The following BBS9 variants were observed in gnomAD, a reference collection of about 807,000 sequenced individuals.
BBS9 encodes protein PTHB1.
In BBS9, 89 loss-of-function variants were observed where a neutral mutation model predicts 117.7. The ratio of observed to expected loss-of-function variants is 0.76; its 90% confidence interval spans 0.64 to 0.90. The LOEUF (loss-of-function observed/expected upper bound fraction) is 0.90. Among genes scored for constraint, BBS9 ranks in the 40% least tolerant of loss-of-function variants. The pLI is 0.00. For synonymous variants in BBS9, 379 were observed against 370.9 expected (o/e 1.02, Z -0.25); for missense variants, 982 against 1,042.2 (o/e 0.94, Z 0.80).
At chr7:33,333,240 G>A (rs1286457181) in intron 9 of BBS9, among the ~76,000 whole-genome samples, 2 of 152,052 alleles carry the variant, frequency 1.3e-5, no homozygotes, top group Admixed American at 6.6e-5. Context: ...AGTCCCCAAA[G>A]TCCATGTCAT....
At chr7:33,423,526 T>C (rs1004861818) in intron 19 of BBS9, among the ~76,000 whole-genome samples, 1 of 151,462 alleles carries the variant, frequency 6.6e-6, no homozygotes, top group Non-Finnish European at 1.5e-5. Flanking sequence ...TTTCATATGA[T>C]GTGTGAAGAA....
chr7:33,613,178 C>T (rs115300110), intron 21 of BBS9, among the ~76,000 whole-genome samples: 188 of 152,136 alleles, frequency 1.2e-3, no homozygotes, highest in African/African-American at 4.4e-3. Flanking sequence ...AGTTTAGCAT[C>T]TCCAAGCTCT....
intron 9 of BBS9, among the ~76,000 whole-genome samples, chr7:33,279,904 C>CTCTGGAGATA (rs1422171234): frequency 1.3e-5 from 2 of 152,202 alleles, no homozygotes; most frequent in Non-Finnish European, 2.9e-5. Context: ...ATGTTACTTT[C>CTCTGGAGATA]TCTGGAGATA....
In BBS9 at chr7:33,573,156, A is replaced by G. The variant is rs951934330; in HGVS notation, c.2522-31709A>G. ...TTCCCTAATTTTCTAATTTTCTGGT[A>G]CAATAAGACATTTTTGGCCTATTTT... is the stretch of plus-strand genomic sequence containing the variant. On this transcript the variant is annotated intron_variant, in intron 21 of 22. Transcript: ENST00000242067. 2.6e-5 allele frequency among the ~76,000 whole-genome samples: 4 copies of G among 152,124 alleles called. No homozygotes were observed. The East Asian group carries it at 7.7e-4, about 29-fold the overall frequency.
intron 20 of BBS9, among the ~76,000 whole-genome samples, chr7:33,521,992 C>T (rs1448447245): frequency 1.1e-4 from 16 of 147,918 alleles, no homozygotes; most frequent in African/African-American, 2.0e-4. Context: ...TGAGAATATG[C>T]GGTGTTTGGT....
intron 17 of BBS9, 99 bp from the exon 18 acceptor site, chr7:33,383,567 A>T (rs1263913474): frequency 1.2e-5 from 13 of 1,087,404 alleles, no homozygotes; most frequent in Non-Finnish European, 1.6e-5. Context: ...ACAAAAATGA[A>T]ATCTTTGAAC....
At chr7:33,611,526 G>T (rs1864860243) in intron 21 of BBS9, among the ~76,000 whole-genome samples, 2 of 136,298 alleles carry the variant, frequency 1.5e-5, no homozygotes. Context: ...TAATATTAAA[G>T]TATTATATTT....
intron 2 of BBS9, among the ~76,000 whole-genome samples, chr7:33,152,337 A>G (rs1793471586): frequency 6.6e-6 from 1 of 152,146 alleles, no homozygotes; most frequent in South Asian, 2.1e-4. Flanking sequence ...CGACAGCCAC[A>G]AGCAGTTATA....
chr7:33,243,207 A>G (rs1266686168), intron 5 of BBS9, among the ~76,000 whole-genome samples: 1 of 152,194 alleles, frequency 6.6e-6, no homozygotes, highest in East Asian at 1.9e-4. Flanking sequence ...ACCTGTCTCA[A>G]TTCTTTAGCC....
At chr7:33,352,761 TA>T in intron 14 of BBS9, 97 bp from the exon 15 acceptor site, 1 of 1,350,452 alleles carries the variant, frequency 7.4e-7, no homozygotes, top group Admixed American at 1.7e-5. Context: ...ATTTGTATTT[TA>T]AGCAGATATG....
chr7:33,532,540 C>T (rs1352196757), intron 20 of BBS9, among the ~76,000 whole-genome samples: 3 of 152,086 alleles, frequency 2.0e-5, no homozygotes, highest in Non-Finnish European at 4.4e-5. Context: ...GGGGAGATGC[C>T]AGATGCTTAT....
At chr7:33,403,725 T>C (rs997267478) in intron 19 of BBS9, among the ~76,000 whole-genome samples, 11 of 152,074 alleles carry the variant, frequency 7.2e-5, no homozygotes, top group African/African-American at 9.7e-5. Context: ...TTGTTGGACA[T>C]TTGGGTTAGT....
chr7:33,514,549 A>G (rs187202599), intron 20 of BBS9, among the ~76,000 whole-genome samples: 2 of 152,316 alleles, frequency 1.3e-5, no homozygotes, highest in East Asian at 3.9e-4. Flanking sequence ...ACTTTAAAAA[A>G]GTTAAACAAC....
At chr7:33,452,920 G>A (rs1584886044) in intron 19 of BBS9, among the ~76,000 whole-genome samples, 1 of 152,274 alleles carries the variant, frequency 6.6e-6, no homozygotes, top group Admixed American at 6.5e-5. Flanking sequence ...ATCAAATATA[G>A]CAATTGATGT....
rs142521377 is a variant in BBS9 at position 33,321,323 on chromosome 7, G to A, written c.1017-15118G>A. On this transcript the variant is annotated intron_variant, in intron 9 of 22. Coordinates refer to ENST00000242067, the MANE Select transcript of BBS9 (RefSeq NM_198428.3). ...TTGAGTGTATAGATTGCTTTGGGTA[G>A]TATGGACATTTTAACAATATTGATT... 2.0e-3 allele frequency among the ~76,000 whole-genome samples: 309 copies of A among 152,188 alleles called. 1 individual carries two copies. Among genetic ancestry groups the A allele is most frequent in the African/African-American group, 7.1e-3 (296 of 41,548 alleles).
chr7:33,249,759 T>C (rs373427933), intron 5 of BBS9, among the ~76,000 whole-genome samples: 6 of 152,320 alleles, frequency 3.9e-5, no homozygotes, highest in African/African-American at 4.8e-5. Flanking sequence ...TGAGGAGTCA[T>C]TGTTAAGATA....
chr7:33,297,234 A>G (rs1805458149), intron 9 of BBS9, among the ~76,000 whole-genome samples: 1 of 152,158 alleles, frequency 6.6e-6, no homozygotes, highest in Admixed American at 6.6e-5. Flanking sequence ...GTTTGCTCCT[A>G]TGAACTTACC....
At chr7:33,485,444 G>T (rs974041462) in intron 19 of BBS9, among the ~76,000 whole-genome samples, 2 of 151,566 alleles carry the variant, frequency 1.3e-5, no homozygotes, top group African/African-American at 2.4e-5. Flanking sequence ...CGAGTAGCTG[G>T]GACTACAGGC....
chr7:33,347,054 T>G lies in BBS9; in HGVS notation c.1330-2014T>G, dbSNP rs140048597. 2.2e-3 allele frequency among the ~76,000 whole-genome samples: 331 copies of G among 152,304 alleles called. 3 individuals carry two copies. The highest frequency in any genetic ancestry group is 0.016 in the Admixed American group (241 of 15,294). On this transcript the variant is annotated intron_variant, in intron 12 of 22. Coordinates refer to ENST00000242067, the MANE Select transcript of BBS9 (RefSeq NM_198428.3). ...GGCATGGGCTCAGGATTCTGGCAGA[T>G]AGCAGTTAAATTGTGGTTCTGCCAC...
Sources: allele counts gnomAD v4.1 joint callset (sites outside exome capture counted in the v4.1 genomes callset), GRCh38; gene constraint gnomAD v4.1.1; transcripts MANE v1.5; gene names NCBI Gene and HGNC (gene_info 2026-07-23, HGNC 2026-07-21).